Variants in RAD51B observed in about 807,000 individuals in gnomAD.
The protein encoded by RAD51B is DNA repair protein RAD51 homolog 2.
Under a neutral mutation model 42.2 loss-of-function variants are expected in RAD51B, and 38 were observed. The observed-to-expected ratio is 0.90, with a 90% CI of 0.70 to 1.18. The LOEUF (loss-of-function observed/expected upper bound fraction) is 1.18, where lower values mean the gene tolerates loss of function less well. Among genes scored for constraint, RAD51B ranks in the 50% most tolerant of loss-of-function variants. The pLI, the probability that RAD51B is intolerant of heterozygous loss-of-function variation, is 0.00. For missense variants in RAD51B, 373 were observed against 400.7 expected (o/e 0.93, Z 0.59); for synonymous variants, 154 against 145.2 (o/e 1.06, Z -0.43).
chr14:68,447,077 G>A (rs1049539767), intron 9 of RAD51B, among the ~76,000 whole-genome samples: 3 of 152,070 alleles, frequency 2.0e-5, no homozygotes, highest in African/African-American at 7.2e-5. Flanking sequence ...AAATTAGCCG[G>A]GCGTGGTGGC....
At chr14:67,898,088 A>G (rs2043484279) in intron 7 of RAD51B, among the ~76,000 whole-genome samples, 1 of 152,250 alleles carries the variant, frequency 6.6e-6, no homozygotes. Flanking sequence ...ATCCAAAGGA[A>G]TTAAAATCAG....
At chr14:68,167,473 A>T (rs2078777022) in intron 7 of RAD51B, among the ~76,000 whole-genome samples, 1 of 151,960 alleles carries the variant, frequency 6.6e-6, no homozygotes, top group Admixed American at 6.6e-5. Flanking sequence ...TGTATGAGAG[A>T]TTATGTCTTG....
intron 7 of RAD51B, among the ~76,000 whole-genome samples, chr14:68,282,129 G>A (rs957584706): frequency 1.2e-4 from 19 of 152,084 alleles, no homozygotes; most frequent in African/African-American, 3.1e-4. Flanking sequence ...TTACAGGCAC[G>A]CACCACAACG....
chr14:68,480,625 T>G (rs1883102194), downstream of RAD51B, among the ~76,000 whole-genome samples: 1 of 151,890 alleles, frequency 6.6e-6, no homozygotes, highest in Admixed American at 6.6e-5. Flanking sequence ...GTTAGAAATT[T>G]CTCCTTGTCC....
intron 10 of RAD51B, chr14:68,628,472 A>T (rs967853376): frequency 6.6e-6 from 1 of 152,380 alleles, no homozygotes; most frequent in Non-Finnish European, 1.5e-5. Context: ...CCTGCTGCAC[A>T]AAGGCCTGCT....
At chr14:68,229,475 C>T (rs2080105544) in intron 7 of RAD51B, among the ~76,000 whole-genome samples, 1 of 152,162 alleles carries the variant, frequency 6.6e-6, no homozygotes, top group African/African-American at 2.4e-5. Flanking sequence ...TAGAAGATGC[C>T]TCTGGCTTAC....
intron 8 of RAD51B, chr14:68,339,427 T>C: frequency 3.0e-6 from 2 of 657,136 alleles, no homozygotes; most frequent in Non-Finnish European, 5.3e-6. Context: ...TTCTTAAGCC[T>C]TTTCTCAAAC....
chr14:68,063,739 A>G (rs937128035), intron 7 of RAD51B, among the ~76,000 whole-genome samples: 4 of 152,190 alleles, frequency 2.6e-5, no homozygotes, highest in Non-Finnish European at 5.9e-5. Flanking sequence ...CATCTCAAAA[A>G]GATAAATAAA....
rs144997118 is a variant in RAD51B, at chr14:68,400,153, T to G, written c.854-11271T>G. 4.5e-3 allele frequency among the ~76,000 whole-genome samples: 683 copies of G among 152,252 alleles called. 6 individuals carry two copies. Among genetic ancestry groups the G allele is most frequent in the Middle Eastern group, 0.027 (8 of 294 alleles). ...GCCCTGGGTTTGCCTTGTGAGCTGA[T>G]TTCCTGAAGGCAAACCACATGACTG... On this transcript the variant is annotated intron_variant, in intron 8 of 10. Coordinates refer to ENST00000471583, the MANE Select transcript of RAD51B (RefSeq NM_133510.4).
At chr14:68,378,726 C>G (rs2083421233) in intron 8 of RAD51B, among the ~76,000 whole-genome samples, 1 of 149,704 alleles carries the variant, frequency 6.7e-6, no homozygotes. Context: ...TTGGTTGAAT[C>G]TACAGATGGG....
intron 11 of RAD51B, among the ~76,000 whole-genome samples, chr14:68,660,808 G>A (rs1364817933): frequency 2.6e-5 from 4 of 152,200 alleles, no homozygotes. Flanking sequence ...AGAGCCACTT[G>A]TTTCCAGCTG....
intron 10 of RAD51B, among the ~76,000 whole-genome samples, chr14:68,574,590 C>T (rs939174491): frequency 6.6e-6 from 1 of 152,208 alleles, no homozygotes; most frequent in Non-Finnish European, 1.5e-5. Flanking sequence ...CAGCCCACCA[C>T]ACCTGGGGCC....
intron 7 of RAD51B, among the ~76,000 whole-genome samples, chr14:68,036,748 A>G (rs750688950): frequency 1.3e-5 from 2 of 152,150 alleles, no homozygotes; most frequent in African/African-American, 2.4e-5. Context: ...ATGTAGGTTT[A>G]GTGCCTTTTT....
intron 4 of RAD51B, among the ~76,000 whole-genome samples, chr14:67,844,276 T>C (rs1442892127): frequency 6.6e-6 from 1 of 152,066 alleles, no homozygotes; most frequent in Non-Finnish European, 1.5e-5. Flanking sequence ...GTTGATTGTG[T>C]GGTCAGTGTT....
intron 9 of RAD51B, among the ~76,000 whole-genome samples, chr14:68,458,679 T>G (rs1267543394): frequency 3.3e-5 from 5 of 149,632 alleles, no homozygotes; most frequent in Non-Finnish European, 7.4e-5. Flanking sequence ...ATTATTTATA[T>G]ATCATATTAT....
chr14:68,289,221 A>C (rs1213053484), intron 7 of RAD51B, among the ~76,000 whole-genome samples: 3 of 152,162 alleles, frequency 2.0e-5, no homozygotes, highest in African/African-American at 7.2e-5. Flanking sequence ...CAATAACAAC[A>C]ATTGCTTCTA....
At position 68,182,948 on chromosome 14, in the gene RAD51B, T is replaced by A. The variant is rs528364241; in HGVS notation, c.757-108936T>A. ...TTACTGGACCTGTATTCCTTTTCTT[T>A]CCTTGGTTGACACTTGTTCCAACTT... is the stretch of plus-strand genomic sequence containing the variant. On this transcript the variant is annotated intron_variant, in intron 7 of 10. Transcript: ENST00000471583. Among the ~76,000 whole-genome samples the A allele has an allele frequency of 3.3e-5, 5 of 152,336 alleles. No homozygotes were observed. The East Asian group carries it at 9.6e-4, about 29-fold the overall frequency.
intron 7 of RAD51B, among the ~76,000 whole-genome samples, chr14:67,961,876 A>G (rs1357001812): frequency 6.6e-6 from 1 of 152,234 alleles, no homozygotes; most frequent in Non-Finnish European, 1.5e-5. Context: ...ATCGCTGACT[A>G]CAGCAGAAAA....
intron 10 of RAD51B, among the ~76,000 whole-genome samples, chr14:68,572,533 G>A (rs1889758345): frequency 6.6e-6 from 1 of 152,164 alleles, no homozygotes; most frequent in African/African-American, 2.4e-5. Flanking sequence ...ACTCTGCTGG[G>A]GCCCAACTCC....
Sources: allele counts gnomAD v4.1 joint callset (sites outside exome capture counted in the v4.1 genomes callset), GRCh38; gene constraint gnomAD v4.1.1; transcripts MANE v1.5; gene names NCBI Gene and HGNC (gene_info 2026-07-23, HGNC 2026-07-21).